Variants in DIS3L2 observed in about 807,000 individuals in gnomAD.
The protein encoded by DIS3L2 is DIS3 like 3'-5' exoribonuclease 2.
Under a neutral mutation model 97.5 loss-of-function variants are expected in DIS3L2, and 34 were observed. That is an observed-to-expected ratio of 0.35 (90% confidence interval 0.27 to 0.46). The LOEUF (loss-of-function observed/expected upper bound fraction) is 0.46, where lower values mean the gene tolerates loss of function less well. Among genes scored for constraint, DIS3L2 ranks in the 20% least tolerant of loss-of-function variants. The pLI, the probability that DIS3L2 is intolerant of heterozygous loss-of-function variation, is 1.00. For synonymous variants in DIS3L2, 435 were observed against 445.2 expected (o/e 0.98, Z 0.29); for missense variants, 1,038 against 1,146.0 (o/e 0.91, Z 1.36).
rs1574796192 is a variant in DIS3L2, at chr2:231,996,246, A to G, written c.-93-18589A>G. Among the ~76,000 whole-genome samples the G allele has an allele frequency of 5.3e-5, 8 of 152,312 alleles. 3 individuals carry two copies. Among genetic ancestry groups the G allele is most frequent in the Admixed American group, 5.2e-4 (8 of 15,294 alleles). On this transcript the variant is annotated intron_variant, in intron 1 of 20. Coordinates refer to ENST00000325385, the MANE Select transcript of DIS3L2 (RefSeq NM_152383.5). ...GAAGAATGACTTCTTGTTTATCAGT[A>G]TGTGGTTATTTATTTTATGCTGTCT...
At chr2:232,138,731 T>G (rs1698427734) in intron 8 of DIS3L2, among the ~76,000 whole-genome samples, 1 of 152,208 alleles carries the variant, frequency 6.6e-6, no homozygotes, top group African/African-American at 2.4e-5. Context: ...TAATACCTGC[T>G]GTGGGTGCGA....
At chr2:231,987,107 C>G (rs1693435458) in intron 1 of DIS3L2, among the ~76,000 whole-genome samples, 3 of 152,134 alleles carry the variant, frequency 2.0e-5, no homozygotes. Context: ...CCTAAGTTGT[C>G]TGGGCTGTGT....
At chr2:232,122,579 G>T (rs984298999) in intron 6 of DIS3L2, among the ~76,000 whole-genome samples, 2 of 152,094 alleles carry the variant, frequency 1.3e-5, no homozygotes, top group Non-Finnish European at 2.9e-5. Context: ...TTAGCCGGGC[G>T]TGGTGGCAGG....
At position 232,315,890 on chromosome 2, in the gene DIS3L2, G is replaced by A. The variant is rs142770915; in HGVS notation, c.1740-13923G>A. ...AACATAGATCATTCCACTGACTTTG[G>A]GCTACCCCCAAGCCAACCCCATGTG... On this transcript the variant is annotated intron_variant, in intron 14 of 20. Coordinates refer to ENST00000325385, the MANE Select transcript of DIS3L2 (RefSeq NM_152383.5). Among the ~76,000 whole-genome samples, 89 of 152,198 alleles carry A rather than the reference G, an allele frequency of 5.8e-4. 1 individual carries two copies. The highest frequency in any genetic ancestry group is 1.2e-4 in the Non-Finnish European group (8 of 68,006).
intron 13 of DIS3L2, chr2:232,343,221 G>C (rs1167638240): frequency 1.3e-6 from 1 of 780,040 alleles, no homozygotes; most frequent in Non-Finnish European, 2.1e-6. Context: ...AAAAGGCCAT[G>C]CTGTATCTTT....
chr2:232,312,339 T>C (rs1037079567), intron 14 of DIS3L2, among the ~76,000 whole-genome samples: 1 of 152,252 alleles, frequency 6.6e-6, no homozygotes, highest in African/African-American at 2.4e-5. Context: ...TGGGTATCTG[T>C]TGACCCAGCA....
At chr2:232,186,911 G>A (rs1404981554) in intron 9 of DIS3L2, among the ~76,000 whole-genome samples, 1 of 152,078 alleles carries the variant, frequency 6.6e-6, no homozygotes, top group Non-Finnish European at 1.5e-5. Flanking sequence ...ATTGGCCAAG[G>A]AAGAAGTGAC....
In DIS3L2 at chr2:232,163,526, T is replaced by C. The variant is rs1273473632; in HGVS notation, c.1018T>C (p.Tyr340His). The change falls in exon 9 of 21, where the codon TAT becomes CAT. Residue 340 changes from tyrosine (Y) to histidine (H), a missense_variant. By Grantham distance (83) the Tyr-to-His change is moderately conservative (BLOSUM62 2). This residue lies in a region of DIS3L2 where 813 missense variants were observed against 880.1 expected (regional missense o/e 0.92). Coordinates refer to ENST00000325385, the MANE Select transcript of DIS3L2 (RefSeq NM_152383.5). The part of the protein sequence containing the change: ...EPETEGILTE[Y>H]GVDFSDFSSE... The stretch of plus-strand genomic sequence containing the variant: ...TGAAACAGAAGGAATACTAACAGAG[T>C]ATGGCGTGGATTTCTCTGATTTCTC... The C allele has an allele frequency of 6.2e-7, 1 of 1,613,944 alleles. No homozygotes were observed. The highest frequency in any genetic ancestry group is 8.5e-7 in the Non-Finnish European group (1 of 1,180,004).
intron 1 of DIS3L2, among the ~76,000 whole-genome samples, chr2:231,966,159 CTTCTTCTTCTTCTTTTTTTTTTTT>C (rs1692705388): frequency 7.2e-6 from 1 of 138,580 alleles, no homozygotes; most frequent in Admixed American, 6.9e-5. Context: ...GACCAGAATT[CTTCTTCTTCTTCTTTTTTTTTTTT>C]TTTGAGACAG....
intron 13 of DIS3L2, among the ~76,000 whole-genome samples, chr2:232,284,536 A>T (rs1694376527): frequency 6.6e-6 from 1 of 152,196 alleles, no homozygotes; most frequent in African/African-American, 2.4e-5. Context: ...AACATTGAAT[A>T]TTCATTCTTA....
chr2:232,164,975 G>T (rs538528804), intron 9 of DIS3L2, among the ~76,000 whole-genome samples: 1 of 152,284 alleles, frequency 6.6e-6, no homozygotes, highest in Admixed American at 6.5e-5. Context: ...AGAATAAATG[G>T]TTGAACATTA....
intron 14 of DIS3L2, among the ~76,000 whole-genome samples, chr2:232,316,072 G>A (rs1048637119): frequency 2.6e-5 from 4 of 152,118 alleles, no homozygotes; most frequent in Admixed American, 2.0e-4. Context: ...CGGGGACCCC[G>A]CTCTCAGCAG....
intron 13 of DIS3L2, among the ~76,000 whole-genome samples, chr2:232,278,435 C>T (rs1338277125): frequency 6.6e-6 from 1 of 152,156 alleles, no homozygotes; most frequent in African/African-American, 2.4e-5. Flanking sequence ...TCCATCACCC[C>T]AGAAAATTCC....
At chr2:232,051,223 T>C (rs181578593) in intron 5 of DIS3L2, among the ~76,000 whole-genome samples, 1 of 152,172 alleles carries the variant, frequency 6.6e-6, no homozygotes, top group Admixed American at 6.5e-5. Context: ...CTATAAATGG[T>C]ATAAGTTTTT....
Position 232,235,653 on chromosome 2 carries a change from AT to A in DIS3L2, c.1205-2879del, listed in dbSNP as rs202184535. Among the ~76,000 whole-genome samples, 559 of 152,350 alleles carry A rather than the reference AT, an allele frequency of 3.7e-3. 2 individuals carry two copies. The highest frequency in any genetic ancestry group is 0.014 in the Middle Eastern group (4 of 294). On this transcript the variant is annotated intron_variant, in intron 10 of 20. Coordinates refer to ENST00000325385, the MANE Select transcript of DIS3L2 (RefSeq NM_152383.5). ...TAACACAGAGACTGAATTTAAAATT[AT>A]GGTTTATATCATGATGTAATAATCC...
intron 5 of DIS3L2, among the ~76,000 whole-genome samples, chr2:232,085,868 G>T (rs977122379): frequency 6.6e-6 from 1 of 151,814 alleles, no homozygotes. Flanking sequence ...GTGCTGTGGC[G>T]TGATCATAGC....
At chr2:232,155,812 AACCCCGTCTCT>A (rs2106370369) in intron 8 of DIS3L2, among the ~76,000 whole-genome samples, 1 of 152,084 alleles carries the variant, frequency 6.6e-6, no homozygotes, top group East Asian at 1.9e-4. Flanking sequence ...AACATGGTGA[AACCCCGTCTCT>A]ACTAAAAATA....
intron 7 of DIS3L2, 64 bp from the exon 8 acceptor site, chr2:232,136,408 C>A: frequency 6.3e-7 from 1 of 1,582,622 alleles, no homozygotes; most frequent in Non-Finnish European, 8.6e-7. Flanking sequence ...AACCTGCTGA[C>A]CTCTCCCAAG....
rs1444166603 is a variant in DIS3L2 at position 232,167,369 on chromosome 2, CTG to C, written c.1124+3739_1124+3740del. 4.6e-5 allele frequency among the ~76,000 whole-genome samples: 7 copies of C among 151,714 alleles called. No homozygotes were observed. The East Asian group carries it at 7.7e-4, about 17-fold the overall frequency. ...TTTTACTTACGAAAAGTATAGAAAA[CTG>C]TTTATATAGTAATTTTACTTTTGGT... On this transcript the variant is annotated intron_variant, in intron 9 of 20. Transcript: ENST00000325385.
Sources: gnomAD v4.1 joint callset for allele counts (sites outside exome capture counted in the v4.1 genomes callset) on GRCh38, gnomAD v4.1.1 for gene constraint, gnomAD v4.1.1 regional missense constraint, MANE v1.5 for transcripts, NCBI Gene and HGNC (gene_info 2026-07-23, HGNC 2026-07-21) for gene names.